The following PARM1 variants were observed in gnomAD, a reference collection of about 807,000 sequenced individuals.
The protein encoded by PARM1 is WSC4, cell wall integrity and stress response component 4 homolog.
Under a neutral mutation model 24.6 loss-of-function variants are expected in PARM1, and 14 were observed. The observed-to-expected ratio is 0.57, with a 90% confidence interval of 0.38 to 0.89. The LOEUF is 0.89. PARM1 is among the 40% of genes least tolerant of loss of function. The pLI is 0.00. For synonymous variants in PARM1, 179 were observed against 156.6 expected (o/e 1.14, Z -1.07); for missense variants, 362 against 380.4 (o/e 0.95, Z 0.40).
chr4:75,022,130 T>A (rs2033057), intron 2 of PARM1, among the ~76,000 whole-genome samples: 4,576 of 152,294 alleles, frequency 0.03, 242 homozygotes, highest in African/African-American at 0.1. Flanking sequence ...TATCTTCAAC[T>A]TTTTAATAAT....
chr4:74,956,913 G>A (rs1347232243), intron 1 of PARM1: 1 of 152,260 alleles, frequency 6.6e-6, no homozygotes, highest in Non-Finnish European at 1.5e-5. Context: ...ATAATAGAGA[G>A]TGGTTTGCCA....
intron 1 of PARM1, among the ~76,000 whole-genome samples, chr4:75,003,044 T>G (rs1578046619): frequency 6.6e-6 from 1 of 152,218 alleles, no homozygotes; most frequent in East Asian, 1.9e-4. Flanking sequence ...AACCTGATGT[T>G]GTCCTTCGGA....
intron 1 of PARM1, among the ~76,000 whole-genome samples, chr4:74,990,218 G>T (rs889869492): frequency 4.6e-5 from 7 of 152,250 alleles, no homozygotes; most frequent in African/African-American, 1.7e-4. Flanking sequence ...GATATACTAG[G>T]CTTGAAATGA....
chr4:75,009,072 G>C (rs570856031), intron 1 of PARM1, among the ~76,000 whole-genome samples: 15 of 152,092 alleles, frequency 9.9e-5, no homozygotes, highest in African/African-American at 3.6e-4. Context: ...AAGATTTCTT[G>C]ATCTGTATTC....
At chr4:75,025,345 C>G (rs1473277833) in intron 2 of PARM1, among the ~76,000 whole-genome samples, 1 of 152,148 alleles carries the variant, frequency 6.6e-6, no homozygotes, top group Non-Finnish European at 1.5e-5. Flanking sequence ...ATCGGTTGTT[C>G]TAAGGTGGAA....
At chr4:74,995,956 C>T (rs886307405) in intron 1 of PARM1, among the ~76,000 whole-genome samples, 1 of 152,120 alleles carries the variant, frequency 6.6e-6, no homozygotes, top group South Asian at 2.1e-4. Flanking sequence ...TGTCTCTCAT[C>T]CCTCTCCATT....
chr4:75,039,775 C>G (rs1186229218), intron 3 of PARM1, among the ~76,000 whole-genome samples: 1 of 152,156 alleles, frequency 6.6e-6, no homozygotes, highest in Admixed American at 6.5e-5. Flanking sequence ...AGATAGATTG[C>G]CCTGTTGTTT....
intron 1 of PARM1, among the ~76,000 whole-genome samples, chr4:74,986,761 C>T (rs1329152030): frequency 6.6e-6 from 1 of 151,978 alleles, no homozygotes; most frequent in East Asian, 1.9e-4. Flanking sequence ...AAAAAATGAC[C>T]TTCCTCATAA....
At chr4:74,988,176 G>C (rs1194624124) in intron 1 of PARM1, among the ~76,000 whole-genome samples, 1 of 152,206 alleles carries the variant, frequency 6.6e-6, no homozygotes, top group Non-Finnish European at 1.5e-5. Flanking sequence ...TTACACAACT[G>C]TAGGAGAGGT....
intron 3 of PARM1, among the ~76,000 whole-genome samples, chr4:75,036,879 G>T (rs1329180417): frequency 6.6e-6 from 1 of 152,120 alleles, no homozygotes; most frequent in Admixed American, 6.5e-5. Context: ...TATCTATTAT[G>T]CTACTTAAGT....
chr4:74,980,149 T>C (rs150168373), intron 1 of PARM1, among the ~76,000 whole-genome samples: 1 of 152,144 alleles, frequency 6.6e-6, no homozygotes. Context: ...ATAAAGTGTT[T>C]CAAATTGGAA....
intron 1 of PARM1, among the ~76,000 whole-genome samples, chr4:74,996,215 A>C (rs1722574042): frequency 6.6e-6 from 1 of 151,862 alleles, no homozygotes; most frequent in African/African-American, 2.4e-5. Context: ...CACTAATTAT[A>C]CCACATTCTA....
At chr4:74,963,902 A>G (rs532028085) in intron 1 of PARM1, among the ~76,000 whole-genome samples, 7 of 152,292 alleles carry the variant, frequency 4.6e-5, no homozygotes, top group African/African-American at 1.7e-4. Flanking sequence ...CAAAGACAAG[A>G]TCTTTGCAGC....
chr4:74,941,105 C>G (rs1389909847), intron 1 of PARM1, among the ~76,000 whole-genome samples: 1 of 152,090 alleles, frequency 6.6e-6, no homozygotes, highest in African/African-American at 2.4e-5. Context: ...TGAACATTGC[C>G]GACTGAAAGG....
rs1721103506 is a variant in PARM1, at chr4:74,933,244, G to GTCGC, written c.-82_-79dup. 1.8e-5 allele frequency: 23 copies of GTCGC among 1,255,594 alleles called. No individual in the cohort carries two copies. Among genetic ancestry groups the GTCGC allele is most frequent in the Non-Finnish European group, 2.7e-5 (23 of 866,124 alleles). 77.8% of individuals were successfully genotyped at this position (1,255,594 alleles called of 1,614,324 possible). A position where few individuals can be genotyped will look rare whatever the true frequency, so the allele number is the denominator to read the frequency against. On this transcript the variant is annotated 5_prime_UTR_variant, in exon 1 of 4. Transcript: ENST00000307428. ...CCACCGCAGCCCACCCGGCAGAGGAGTCGCTACCAGCGCCCAGTGCGCTCT... is the reference window on the plus strand; with the variant it reads ...CCACCGCAGCCCACCCGGCAGAGGAGTCGCTCGCTACCAGCGCCCAGTGCGCTCT...
intron 1 of PARM1, among the ~76,000 whole-genome samples, chr4:74,974,301 C>A (rs1722098827): frequency 6.6e-6 from 1 of 152,170 alleles, no homozygotes; most frequent in Non-Finnish European, 1.5e-5. Context: ...AATCTGGGCA[C>A]CTTTTGTCCC....
chr4:74,962,199 A>G (rs908640317), intron 1 of PARM1, among the ~76,000 whole-genome samples: 4 of 152,232 alleles, frequency 2.6e-5, no homozygotes, highest in African/African-American at 9.6e-5. Flanking sequence ...GAGTTTTTGT[A>G]TGTTATTGAA....
intron 1 of PARM1, among the ~76,000 whole-genome samples, chr4:74,984,151 G>A (rs892710071): frequency 1.3e-5 from 2 of 152,204 alleles, no homozygotes; most frequent in Admixed American, 1.3e-4. Flanking sequence ...CCTGTGAGGA[G>A]AAACCATTCT....
chr4:74,979,650 C>T (rs1054244342), intron 1 of PARM1, among the ~76,000 whole-genome samples: 8 of 152,078 alleles, frequency 5.3e-5, no homozygotes, highest in Non-Finnish European at 1.0e-4. Context: ...CAGGCAGAGA[C>T]ACAACAACAA....
Sources: allele counts gnomAD v4.1 joint callset (sites outside exome capture counted in the v4.1 genomes callset), GRCh38; gene constraint gnomAD v4.1.1; transcripts MANE v1.5; gene names NCBI Gene and HGNC (gene_info 2026-07-23, HGNC 2026-07-21).